Variants in TRAPPC9 observed in about 807,000 individuals in gnomAD.
The protein encoded by TRAPPC9 is IKK2 binding protein.
A neutral mutation model predicts 124.0 loss-of-function variants in TRAPPC9; 83 were observed. The ratio of observed to expected loss-of-function variants is 0.67; its 90% CI spans 0.56 to 0.80. The LOEUF is 0.80. Among genes scored for constraint, TRAPPC9 ranks in the 30% least tolerant of loss-of-function variants. TRAPPC9 has a pLI of 0.00. For synonymous variants in TRAPPC9, 638 were observed against 617.5 expected, an observed-to-expected ratio of 1.03 and a Z score of -0.49; for missense variants, 1,302 against 1,508.3, an observed-to-expected ratio of 0.86 and a Z score of 2.27.
chr8:139,839,073 C>G (rs1432036973), intron 21 of TRAPPC9, among the ~76,000 whole-genome samples: 1 of 152,230 alleles, frequency 6.6e-6, no homozygotes, highest in Non-Finnish European at 1.5e-5. Flanking sequence ...TAGGGTGGCT[C>G]AGCCCCTGCC....
At chr8:140,310,953 G>T (rs898926232) in intron 10 of TRAPPC9, among the ~76,000 whole-genome samples, 1 of 152,020 alleles carries the variant, frequency 6.6e-6, no homozygotes, top group African/African-American at 2.4e-5. Context: ...TTTCCACCAC[G>T]GTGTAGTGGT....
chr8:139,850,728 A>G (rs1229604868), intron 21 of TRAPPC9, among the ~76,000 whole-genome samples: 2 of 152,072 alleles, frequency 1.3e-5, no homozygotes, highest in Non-Finnish European at 2.9e-5. Flanking sequence ...TTATCCTTTC[A>G]CCATCCAATT....
In TRAPPC9 at chr8:139,730,520, G is replaced by A. The variant is rs571796836; in HGVS notation, c.*541C>T. 56 of 156,672 alleles carry A rather than the reference G, an allele frequency of 3.6e-4. No individual in the cohort carries two copies. The highest frequency in any genetic ancestry group is 6.3e-4 in the African/African-American group (26 of 41,548). The allele number at this position is 156,672 out of a possible 1,614,324, so 9.7% of individuals were successfully genotyped here. ...GCCTCTCTTGGCATCAACCATCCAC[G>A]ACCTCCTACGGCACCATCTCTCCTG... On this transcript the variant is annotated 3_prime_UTR_variant, in exon 23 of 23. Transcript: ENST00000438773.
Position 139,825,454 on chromosome 8 carries a change from T to C in TRAPPC9, c.3055+60425A>G, listed in dbSNP as rs534816942. On this transcript the variant is annotated intron_variant, in intron 21 of 22. Transcript: ENST00000438773. The surrounding 1 kb of genome is among the most constrained non-coding windows in gnomAD (Gnocchi z 4.6). ...CAGGAAGTGCTTCCCGGGCGCCGGA[T>C]GGATGGGCACCAGGGCCAGGTGGGG... Among the ~76,000 whole-genome samples the C allele has an allele frequency of 2.0e-5, 3 of 152,272 alleles. No individual in the cohort carries two copies. Among genetic ancestry groups the C allele is most frequent in the South Asian group, 2.1e-4 (1 of 4,820 alleles).
intron 21 of TRAPPC9, among the ~76,000 whole-genome samples, chr8:139,755,405 G>A (rs1316870961): frequency 1.4e-5 from 2 of 147,724 alleles, no homozygotes; most frequent in African/African-American, 5.0e-5. Context: ...CAGGTCGCAG[G>A]AAGAGCCAGG....
rs113713549 is a variant in TRAPPC9, at chr8:140,185,867, A to T, written c.2556+35592T>A. The stretch of plus-strand genomic sequence containing the variant: ...AGTAGCTTTATAGCAGAGAGGAACT[A>T]CAGGCTCAGGGTGCAATTAGGATGC... On this transcript the variant is annotated intron_variant, in intron 17 of 22. Coordinates refer to ENST00000438773, the MANE Select transcript of TRAPPC9 (RefSeq NM_001160372.4). Among the ~76,000 whole-genome samples, 1,126 of 152,328 alleles carry T rather than the reference A, an allele frequency of 7.4e-3. 19 individuals are homozygous for T. Among genetic ancestry groups the T allele is most frequent in the African/African-American group, 0.026 (1,079 of 41,574 alleles).
At chr8:139,877,478 C>T (rs79476502) in intron 21 of TRAPPC9, among the ~76,000 whole-genome samples, 5 of 152,312 alleles carry the variant, frequency 3.3e-5, no homozygotes, top group East Asian at 1.9e-4. Context: ...GGAGGGGTCT[C>T]GGGAGCTCCA....
intron 9 of TRAPPC9, among the ~76,000 whole-genome samples, chr8:140,344,417 C>T (rs1414575947): frequency 6.6e-6 from 1 of 152,226 alleles, no homozygotes; most frequent in Admixed American, 6.5e-5. Context: ...CTTTCCCCTG[C>T]TGCACGGGGA....
At chr8:140,262,339 C>A (rs1031581781) in intron 15 of TRAPPC9, among the ~76,000 whole-genome samples, 1 of 151,180 alleles carries the variant, frequency 6.6e-6, no homozygotes, top group Admixed American at 6.6e-5. Flanking sequence ...CTCAGCCCTC[C>A]CTGAGTTCTT....
intron 21 of TRAPPC9, among the ~76,000 whole-genome samples, chr8:139,857,901 C>T (rs1024845222): frequency 1.3e-5 from 2 of 152,238 alleles, no homozygotes; most frequent in African/African-American, 4.8e-5. Flanking sequence ...GTCCCCATCT[C>T]TAGCACTTGT....
intron 21 of TRAPPC9, among the ~76,000 whole-genome samples, chr8:139,837,498 C>T (rs1826436696): frequency 6.6e-6 from 1 of 152,234 alleles, no homozygotes; most frequent in South Asian, 2.1e-4. Flanking sequence ...CAACAACACG[C>T]TCCCCCACCA....
chr8:140,058,415 A>G (rs555209816), intron 17 of TRAPPC9, among the ~76,000 whole-genome samples: 1 of 152,030 alleles, frequency 6.6e-6, no homozygotes, highest in South Asian at 2.1e-4. Context: ...CAGCCCCATG[A>G]CTCTATGAAC....
At chr8:140,456,245 TAAAAATACAAA>T (rs1462159091) in intron 1 of TRAPPC9, among the ~76,000 whole-genome samples, 2 of 151,890 alleles carry the variant, frequency 1.3e-5, no homozygotes, top group Non-Finnish European at 2.9e-5. Context: ...CCGTCTCTAC[TAAAAATACAAA>T]AAAAATGTAG....
intron 18 of TRAPPC9, 62 bp downstream of exon 18, chr8:140,023,875 T>G: frequency 6.2e-7 from 1 of 1,611,558 alleles, no homozygotes. Context: ...GAGGTCAGGA[T>G]TCTGAACGTA....
chr8:140,337,252 C>T (rs997525028), intron 9 of TRAPPC9, among the ~76,000 whole-genome samples: 3 of 152,178 alleles, frequency 2.0e-5, no homozygotes, highest in African/African-American at 4.8e-5. Flanking sequence ...GGAGTTCACA[C>T]ACATGAAGGC....
At chr8:140,228,875 G>A (rs1403121863) in intron 16 of TRAPPC9, among the ~76,000 whole-genome samples, 1 of 152,158 alleles carries the variant, frequency 6.6e-6, no homozygotes, top group Non-Finnish European at 1.5e-5. Flanking sequence ...GGGTAGGGGG[G>A]AAGATAAAGA....
Position 140,450,955 on chromosome 8 carries a change from T to C in TRAPPC9, c.419A>G (p.Asp140Gly). The change falls in exon 2 of 23, where the codon GAC becomes GGC. Residue 140 changes from aspartate to glycine, a missense_variant. Asp to Gly is a moderately conservative substitution (Grantham distance 94). This residue lies in a region of TRAPPC9 where 657 missense variants were observed against 811.2 expected (regional missense o/e 0.81). Transcript: ENST00000438773. ...TDVAFYPNYE[D>G]CQTVEKRIED... ...GATTCTCTTCTCCACCGTCTGGCAG[T>C]CCTCGTAGTTGGGGTAGAAAGCCAC... 6.2e-7 allele frequency: 1 copy of C among 1,614,150 alleles called. No homozygotes were observed. Among genetic ancestry groups the C allele is most frequent in the Non-Finnish European group, 8.5e-7 (1 of 1,180,026 alleles).
intron 5 of TRAPPC9, among the ~76,000 whole-genome samples, chr8:140,407,397 C>G (rs1351385243): frequency 6.7e-6 from 1 of 149,136 alleles, no homozygotes; most frequent in Non-Finnish European, 1.5e-5. Context: ...GAGTTTTACT[C>G]TCTTTTTTTC....
chr8:140,124,688 A>T (rs940321540), intron 17 of TRAPPC9, among the ~76,000 whole-genome samples: 5 of 115,072 alleles, frequency 4.3e-5, no homozygotes, highest in Non-Finnish European at 9.5e-5. Flanking sequence ...AGACCCTCAG[A>T]GGGGAAGACC....
Sources: gnomAD v4.1 joint callset for allele counts (sites outside exome capture counted in the v4.1 genomes callset) on GRCh38, gnomAD v4.1.1 for gene constraint, gnomAD v4.1.1 regional missense constraint, Gnocchi (gnomAD v3.1) non-coding constraint, MANE v1.5 for transcripts, NCBI Gene and HGNC (gene_info 2026-07-23, HGNC 2026-07-21) for gene names.